Variants in ADAMTSL3 observed in about 807,000 individuals in gnomAD.
ADAMTSL3 encodes the protein ADAMTS-like protein 3.
A neutral mutation model predicts 201.7 loss-of-function variants in ADAMTSL3; 128 were observed. The observed-to-expected ratio is 0.63, with a 90% CI of 0.55 to 0.73. The LOEUF (loss-of-function observed/expected upper bound fraction) is 0.73, where lower values mean the gene tolerates loss of function less well. ADAMTSL3 is among the 30% of genes least tolerant of loss of function. ADAMTSL3 has a pLI of 0.00. For missense variants in ADAMTSL3, 1,990 were observed against 2,119.6 expected, an observed-to-expected ratio of 0.94 and a Z score of 1.20; for synonymous variants, 738 against 748.4, an observed-to-expected ratio of 0.99 and a Z score of 0.23.
chr15:83,773,495 T>TG (rs2063019973), intron 3 of ADAMTSL3, 28 bp from the exon 4 acceptor site: 3 of 1,610,212 alleles, frequency 1.9e-6, no homozygotes, highest in Non-Finnish European at 2.5e-6. Context: ...GTGGTTTTTT[T>TG]TTTGTTTGTT....
chr15:83,686,671 G>T (rs1321785898), intron 2 of ADAMTSL3, among the ~76,000 whole-genome samples: 1 of 152,092 alleles, frequency 6.6e-6, no homozygotes, highest in African/African-American at 2.4e-5. Flanking sequence ...TTATTCCTTT[G>T]TGAAGCCCCT....
At chr15:83,750,808 C>T (rs1031776595) in intron 3 of ADAMTSL3, among the ~76,000 whole-genome samples, 11 of 152,104 alleles carry the variant, frequency 7.2e-5, no homozygotes, top group Non-Finnish European at 1.5e-4. Flanking sequence ...CTTCAGCCTC[C>T]CAAAGTGCTG....
At chr15:83,876,855 C>T (rs763603370) in intron 9 of ADAMTSL3, among the ~76,000 whole-genome samples, 3 of 152,144 alleles carry the variant, frequency 2.0e-5, no homozygotes, top group Admixed American at 6.5e-5. Flanking sequence ...TGCAGTGGCA[C>T]GATCTCACCT....
intron 9 of ADAMTSL3, among the ~76,000 whole-genome samples, chr15:83,878,329 T>C (rs1006144238): frequency 2.0e-5 from 3 of 152,188 alleles, no homozygotes; most frequent in Admixed American, 1.3e-4. Flanking sequence ...GAATTTATTG[T>C]TAGTTGCCGG....
At chr15:83,815,074 C>T (rs929824089) in intron 5 of ADAMTSL3, among the ~76,000 whole-genome samples, 23 of 152,130 alleles carry the variant, frequency 1.5e-4, no homozygotes, top group Admixed American at 1.4e-3. Context: ...TTCCCTTCTC[C>T]TCCTCTCCAT....
At chr15:83,844,194 C>T (rs1326028876) in intron 7 of ADAMTSL3, among the ~76,000 whole-genome samples, 1 of 152,150 alleles carries the variant, frequency 6.6e-6, no homozygotes, top group Non-Finnish European at 1.5e-5. Flanking sequence ...ACAGTGATAC[C>T]TAAGGCCAAC....
At chr15:83,686,169 C>T (rs953143391) in intron 2 of ADAMTSL3, among the ~76,000 whole-genome samples, 2 of 152,190 alleles carry the variant, frequency 1.3e-5, no homozygotes, top group Admixed American at 1.3e-4. Flanking sequence ...CGCTTTTCAT[C>T]AAAACTGAGC....
At chr15:83,895,540 C>T (rs1596370174) in intron 13 of ADAMTSL3, among the ~76,000 whole-genome samples, 1 of 152,136 alleles carries the variant, frequency 6.6e-6, no homozygotes, top group Non-Finnish European at 1.5e-5. Flanking sequence ...AATATATTCT[C>T]AGTGATGAGG....
chr15:83,936,157 A>G (rs974266176), intron 17 of ADAMTSL3, among the ~76,000 whole-genome samples: 1 of 152,118 alleles, frequency 6.6e-6, no homozygotes, highest in Non-Finnish European at 1.5e-5. Flanking sequence ...CAATTTGAAA[A>G]AAGAAATATT....
At chr15:83,682,588 A>G (rs911008943) in intron 2 of ADAMTSL3, among the ~76,000 whole-genome samples, 2 of 152,306 alleles carry the variant, frequency 1.3e-5, no homozygotes. Context: ...TGACTAGTAT[A>G]TTGGAAGAGG....
intron 3 of ADAMTSL3, among the ~76,000 whole-genome samples, chr15:83,756,514 G>C (rs557402610): frequency 1.6e-4 from 25 of 152,044 alleles, no homozygotes; most frequent in Non-Finnish European, 3.7e-4. Context: ...CCTCCACGGG[G>C]TCCCTCCAAT....
At position 83,823,940 on chromosome 15, in the gene ADAMTSL3, CTTCTTCTTCTTCTTCTTCTTCTTCTT is replaced by C. The variant is rs1567169661; in HGVS notation, c.600+3894_600+3919del. ...TCTTCTTCTTCTTCTTCTTCTTCTT[CTTCTTCTTCTTCTTCTTCTTCTTCTT>C]CTTCTTCTCCTCCTCCTCCTCCTCC... On this transcript the variant is annotated intron_variant, in intron 6 of 29. Transcript: ENST00000286744. Among the ~76,000 whole-genome samples, 3 of 112,754 alleles carry C rather than the reference CTTCTTCTTCTTCTTCTTCTTCTTCTT, an allele frequency of 2.7e-5. 1 individual carries two copies. The highest frequency in any genetic ancestry group is 9.6e-5 in the African/African-American group (3 of 31,156). 74.0% of individuals were successfully genotyped at this position (112,754 alleles called of 152,430 possible).
chr15:83,983,305 C>T lies in ADAMTSL3; in HGVS notation c.3677C>T (p.Thr1226Ile). 2 of 1,575,374 alleles carry T rather than the reference C, an allele frequency of 1.3e-6. No homozygotes were observed. Among genetic ancestry groups the T allele is most frequent in the Non-Finnish European group, 1.7e-6 (2 of 1,162,312 alleles). ...DLITPSEATY[T>I]WTKDGTLLQP... ...ATTACCCCCAGTGAGGCCACATATACATGGACCAAGGATGGAACCTTGTTA... is the reference window on the plus strand; with the variant it reads ...ATTACCCCCAGTGAGGCCACATATATATGGACCAAGGATGGAACCTTGTTA... The change falls in exon 21 of 30, where the codon ACA becomes ATA. Residue 1226 changes from threonine to isoleucine, a missense_variant. Thr to Ile is a moderately conservative substitution (Grantham distance 89). Transcript: ENST00000286744.
Position 83,913,301 on chromosome 15 carries a change from C to T in ADAMTSL3, c.1910C>T (p.Pro637Leu), listed in dbSNP as rs1251383716. ...CCGGCCTCCCGAGAGCTAGACATCC[C>T]TCTCCCTGAGGACAGTGAGACGACT... ...ESPASRELDI[P>L]LPEDSETTYD... Residue 637 changes from proline to leucine, a missense_variant, in exon 16 of 30, where the codon CCT becomes CTT. Coordinates refer to ENST00000286744, the MANE Select transcript of ADAMTSL3 (RefSeq NM_207517.3). 19 of 1,613,894 alleles carry T rather than the reference C, an allele frequency of 1.2e-5. No homozygotes were observed. The highest frequency in any genetic ancestry group is 1.5e-5 in the Non-Finnish European group (18 of 1,180,038).
intron 6 of ADAMTSL3, among the ~76,000 whole-genome samples, chr15:83,825,960 A>G (rs2064013626): frequency 6.6e-6 from 1 of 152,210 alleles, no homozygotes; most frequent in Admixed American, 6.5e-5. Flanking sequence ...GCTTGTCTTT[A>G]GAAAGGTCAT....
chr15:83,924,152 C>A, intron 17 of ADAMTSL3, 119 bp downstream of exon 17: 1 of 1,293,094 alleles, frequency 7.7e-7, no homozygotes. Flanking sequence ...GCTAAGCCTG[C>A]TTCAGAGCTC....
intron 6 of ADAMTSL3, among the ~76,000 whole-genome samples, chr15:83,830,618 T>G (rs1360292589): frequency 1.3e-5 from 2 of 152,190 alleles, no homozygotes; most frequent in Non-Finnish European, 2.9e-5. Flanking sequence ...GCAGGATGCA[T>G]TAGTTTCCTG....
intron 4 of ADAMTSL3, among the ~76,000 whole-genome samples, chr15:83,793,880 C>T (rs79007383): frequency 2.0e-5 from 3 of 152,220 alleles, no homozygotes; most frequent in African/African-American, 7.2e-5. Context: ...GAGGAATAAA[C>T]AAATGAGATC....
intron 6 of ADAMTSL3, among the ~76,000 whole-genome samples, chr15:83,822,483 C>T (rs1382973990): frequency 7.8e-5 from 11 of 141,778 alleles, no homozygotes; most frequent in Admixed American, 1.4e-4. Flanking sequence ...TCAGACGGGG[C>T]GGCCGGGCAG....
Sources: gnomAD v4.1 joint callset for allele counts (sites outside exome capture counted in the v4.1 genomes callset) on GRCh38, gnomAD v4.1.1 for gene constraint, MANE v1.5 for transcripts, NCBI Gene and HGNC (gene_info 2026-07-23, HGNC 2026-07-21) for gene names.